Variants in EPSTI1 observed in about 807,000 individuals in gnomAD.
EPSTI1 encodes epithelial-stromal interaction protein 1.
A neutral mutation model predicts 49.9 loss-of-function variants in EPSTI1; 66 were observed. The ratio of observed to expected loss-of-function variants is 1.32; its 90% CI spans 1.08 to 1.62. EPSTI1 has a LOEUF of 1.62. Ranked by LOEUF, EPSTI1 falls within the 40% of genes most tolerant of loss-of-function variation. The pLI is 0.00. For synonymous variants in EPSTI1, 137 were observed against 130.7 expected (o/e 1.05, Z -0.33); for missense variants, 394 against 365.5 (o/e 1.08, Z -0.64).
intron 1 of EPSTI1, among the ~76,000 whole-genome samples, chr13:42,991,658 C>T (rs1333241070): frequency 6.6e-6 from 1 of 152,148 alleles, no homozygotes; most frequent in African/African-American, 2.4e-5. Context: ...CTGGAGATAC[C>T]TGGAAAATGA....
chr13:42,923,195 G>A (rs183016642), intron 7 of EPSTI1, among the ~76,000 whole-genome samples: 4 of 152,310 alleles, frequency 2.6e-5, no homozygotes, highest in East Asian at 1.9e-4. Flanking sequence ...AGATATGGGG[G>A]ACCACTGAAT....
chr13:42,950,205 C>A (rs2039052887), intron 6 of EPSTI1, among the ~76,000 whole-genome samples: 1 of 152,214 alleles, frequency 6.6e-6, no homozygotes, highest in Admixed American at 6.5e-5. Context: ...CACCATTAAT[C>A]TGTTCTGCTC....
At chr13:42,898,303 G>T (rs888903740) in intron 9 of EPSTI1, among the ~76,000 whole-genome samples, 1 of 152,196 alleles carries the variant, frequency 6.6e-6, no homozygotes, top group Non-Finnish European at 1.5e-5. Flanking sequence ...TATATAGCTT[G>T]TGTTGTTGCC....
At chr13:42,912,205 G>T (rs1373882077) in intron 8 of EPSTI1, among the ~76,000 whole-genome samples, 1 of 152,242 alleles carries the variant, frequency 6.6e-6, no homozygotes, top group East Asian at 1.9e-4. Context: ...AAACCAATGT[G>T]CAGGATAAAT....
Position 42,969,108 on chromosome 13 carries a change from A to C in EPSTI1, c.317T>G (p.Val106Gly), listed in dbSNP as rs2039700786. 5 of 1,614,034 alleles carry C rather than the reference A, an allele frequency of 3.1e-6. No homozygotes were observed. The highest frequency in any genetic ancestry group is 2.7e-5 in the African/African-American group (2 of 74,924). The change falls in exon 3 of 11, where the codon GTG becomes GGG. Residue 106 changes from valine (V) to glycine (G), a missense_variant. Coordinates refer to ENST00000313624, the MANE Select transcript of EPSTI1 (RefSeq NM_033255.5). ...EQNRAKPVHL[V>G]PRRLGGSQSE... is the part of the protein sequence containing the mutation. ...TGCTTGCTTACCTAGCCGTCTGGGC[A>C]CCAGGTGAACCGGTTTAGCTCTGTT...
chr13:42,926,440 C>T lies in EPSTI1; in HGVS notation c.564-11G>A, dbSNP rs2038181687. On this transcript the variant is annotated splice_polypyrimidine_tract_variant and intron_variant, in intron 6 of 10. Coordinates refer to ENST00000313624, the MANE Select transcript of EPSTI1 (RefSeq NM_033255.5). ...AACTCAGCGGTTTTGCTACCAGAAA[C>T]ACAAACAGGTGTTAGTGCCTTCACA... 1.3e-6 allele frequency: 2 copies of T among 1,551,234 alleles called. No homozygotes were observed. Among genetic ancestry groups the T allele is most frequent in the Non-Finnish European group, 1.8e-6 (2 of 1,122,870 alleles).
chr13:42,920,189 G>C (rs1401748027), intron 7 of EPSTI1, among the ~76,000 whole-genome samples: 5 of 152,294 alleles, frequency 3.3e-5, no homozygotes, highest in Admixed American at 1.3e-4. Context: ...CTAGGGGTCA[G>C]GGCTTCCACA....
At chr13:42,965,161 T>C (rs1169791061) in intron 3 of EPSTI1, among the ~76,000 whole-genome samples, 4 of 152,146 alleles carry the variant, frequency 2.6e-5, no homozygotes, top group African/African-American at 9.7e-5. Flanking sequence ...ACAGCAACTT[T>C]TAGTATCTCC....
intron 1 of EPSTI1, among the ~76,000 whole-genome samples, chr13:42,979,590 AAAAAAAAAAAAAG>A (rs796687807): frequency 1.0e-4 from 12 of 120,256 alleles, no homozygotes; most frequent in African/African-American, 3.4e-4. Context: ...GTCTCAAAAA[AAAAAAAAAAAAAG>A]AAAAGAAAAG....
At chr13:42,951,792 G>A (rs528257128) in intron 6 of EPSTI1, among the ~76,000 whole-genome samples, 1 of 152,122 alleles carries the variant, frequency 6.6e-6, no homozygotes, top group African/African-American at 2.4e-5. Flanking sequence ...TGTTAAGTAG[G>A]TCTTCCCTCT....
chr13:42,936,179 C>G (rs186371832), intron 6 of EPSTI1, among the ~76,000 whole-genome samples: 1 of 152,286 alleles, frequency 6.6e-6, no homozygotes, highest in East Asian at 1.9e-4. Context: ...TTTCTTCTGT[C>G]ATCCCCTTGT....
At chr13:42,931,229 C>G (rs375273430) in intron 6 of EPSTI1, among the ~76,000 whole-genome samples, 8 of 141,698 alleles carry the variant, frequency 5.6e-5, no homozygotes, top group African/African-American at 2.2e-4. Context: ...GACGGAGTCT[C>G]GCTCTGTCGC....
At chr13:42,928,075 A>G (rs1174642651) in intron 6 of EPSTI1, among the ~76,000 whole-genome samples, 1 of 152,182 alleles carries the variant, frequency 6.6e-6, no homozygotes, top group African/African-American at 2.4e-5. Context: ...GCCAGCCTCT[A>G]TCTGTGGTCC....
At chr13:42,961,692 A>T (rs1321091856) in intron 5 of EPSTI1, among the ~76,000 whole-genome samples, 1 of 152,226 alleles carries the variant, frequency 6.6e-6, no homozygotes, top group Non-Finnish European at 1.5e-5. Context: ...ATGACGACCA[A>T]TCAGAATGAG....
At chr13:42,957,264 T>C (rs955565418) in intron 5 of EPSTI1, among the ~76,000 whole-genome samples, 4 of 152,244 alleles carry the variant, frequency 2.6e-5, no homozygotes, top group African/African-American at 9.6e-5. Flanking sequence ...ATTTGAGGTA[T>C]ACTTGTGGAA....
chr13:42,982,382 T>C (rs2040001218), intron 1 of EPSTI1, among the ~76,000 whole-genome samples: 1 of 152,152 alleles, frequency 6.6e-6, no homozygotes, highest in Non-Finnish European at 1.5e-5. Context: ...GAAATAACCA[T>C]AAAAATGGGC....
At chr13:42,945,543 G>A (rs1193263893) in intron 6 of EPSTI1, among the ~76,000 whole-genome samples, 1 of 152,224 alleles carries the variant, frequency 6.6e-6, no homozygotes, top group Non-Finnish European at 1.5e-5. Context: ...AGGAATAGGA[G>A]ATAATCAAAT....
chr13:42,937,904 A>G (rs1473959937), intron 6 of EPSTI1, among the ~76,000 whole-genome samples: 3 of 152,204 alleles, frequency 2.0e-5, no homozygotes, highest in Non-Finnish European at 4.4e-5. Context: ...CAGATCAATC[A>G]GAAGAATCAC....
At chr13:42,979,247 A>G (rs2039938698) in intron 1 of EPSTI1, among the ~76,000 whole-genome samples, 1 of 152,244 alleles carries the variant, frequency 6.6e-6, no homozygotes, top group Non-Finnish European at 1.5e-5. Flanking sequence ...TGAGCTTTAG[A>G]ATATCACCTA....
Sources: allele counts gnomAD v4.1 joint callset (sites outside exome capture counted in the v4.1 genomes callset), GRCh38; gene constraint gnomAD v4.1.1; transcripts MANE v1.5; gene names NCBI Gene and HGNC (gene_info 2026-07-23, HGNC 2026-07-21).